Variants in RB1 observed in about 807,000 individuals in gnomAD.
The protein encoded by RB1 is RB transcriptional corepressor 1, also known as retinoblastoma-associated protein.
Under a neutral mutation model 135.4 loss-of-function variants are expected in RB1, and 18 were observed. The observed-to-expected ratio is 0.13, with a 90% confidence interval of 0.09 to 0.20. RB1 has a LOEUF of 0.20. RB1 is among the 10% of genes least tolerant of loss of function. RB1 has a pLI of 1.00. For synonymous variants in RB1, 365 were observed against 373.2 expected (o/e 0.98, Z 0.25); for missense variants, 868 against 1,110.0 (o/e 0.78, Z 3.10).
In RB1 at chr13:48,452,033, A is replaced by G. The variant is rs532310960; in HGVS notation, c.1696-960A>G. 3.5e-3 allele frequency among the ~76,000 whole-genome samples: 532 copies of G among 151,746 alleles called. 11 individuals carry two copies. Among genetic ancestry groups the G allele is most frequent in the Non-Finnish European group, 7.8e-4 (53 of 67,902 alleles). On this transcript the variant is annotated intron_variant, in intron 17 of 26. Coordinates refer to ENST00000267163, the MANE Select transcript of RB1 (RefSeq NM_000321.3). ...TCTATATTAGTCTAGCTAGTGGTCTATTTTATTAATTTTTTCAAAAAATAA... is the reference window on the plus strand; with the variant it reads ...TCTATATTAGTCTAGCTAGTGGTCTGTTTTATTAATTTTTTCAAAAAATAA...
At chr13:48,312,547 T>C (rs1952140072) in intron 2 of RB1, among the ~76,000 whole-genome samples, 1 of 152,240 alleles carries the variant, frequency 6.6e-6, no homozygotes, top group Non-Finnish European at 1.5e-5. Flanking sequence ...TACCATTTGC[T>C]TTCTTTACAG....
At chr13:48,367,446 A>G (rs758064342) in intron 9 of RB1, 48 bp from the exon 10 acceptor site, 2 of 1,579,186 alleles carry the variant, frequency 1.3e-6, no homozygotes, top group South Asian at 2.2e-5. Context: ...GTGCTGAGAG[A>G]TGTAATGACA....
At chr13:48,382,466 T>C (rs1948543443) in intron 17 of RB1, among the ~76,000 whole-genome samples, 3 of 152,234 alleles carry the variant, frequency 2.0e-5, no homozygotes, top group Non-Finnish European at 4.4e-5. Flanking sequence ...GAGCATTTTT[T>C]CATGTGTCTT....
chr13:48,370,883 G>T (rs1263475941), intron 11 of RB1, among the ~76,000 whole-genome samples: 3 of 152,198 alleles, frequency 2.0e-5, no homozygotes, highest in Non-Finnish European at 4.4e-5. Flanking sequence ...CTAGTGACCA[G>T]CCCCCATCCA....
intron 17 of RB1, among the ~76,000 whole-genome samples, chr13:48,451,839 T>C (rs773756946): frequency 3.9e-5 from 6 of 152,010 alleles, no homozygotes; most frequent in Non-Finnish European, 8.8e-5. Flanking sequence ...AGTTCAGTCT[T>C]GGGAGGGTGT....
At chr13:48,474,745 G>C (rs1202744456) in intron 24 of RB1, among the ~76,000 whole-genome samples, 1 of 152,076 alleles carries the variant, frequency 6.6e-6, no homozygotes, top group East Asian at 1.9e-4. Flanking sequence ...AGATCCAAGG[G>C]AAAGCTTTGC....
chr13:48,479,453 T>G (rs981487118), intron 26 of RB1, among the ~76,000 whole-genome samples: 1 of 152,220 alleles, frequency 6.6e-6, no homozygotes. Flanking sequence ...GGGGCATACC[T>G]GAAGTATGCA....
At chr13:48,375,657 C>T (rs775721861) in intron 12 of RB1, among the ~76,000 whole-genome samples, 4 of 151,810 alleles carry the variant, frequency 2.6e-5, no homozygotes, top group Admixed American at 6.6e-5. Context: ...TGGCTCACTA[C>T]AACCTCCATC....
chr13:48,326,979 CTTCT>C (rs1952292981), intron 2 of RB1, among the ~76,000 whole-genome samples: 1 of 151,974 alleles, frequency 6.6e-6, no homozygotes, highest in Non-Finnish European at 1.5e-5. Context: ...ATTTTCTTTC[CTTCT>C]ATTTCAGTAT....
intron 17 of RB1, among the ~76,000 whole-genome samples, chr13:48,423,405 C>G (rs1949035214): frequency 6.6e-6 from 1 of 152,096 alleles, no homozygotes; most frequent in African/African-American, 2.4e-5. Context: ...ATCAAGGAGT[C>G]ACCTTACACT....
At chr13:48,392,981 A>T (rs147920295) in intron 17 of RB1, among the ~76,000 whole-genome samples, 1,900 of 152,138 alleles carry the variant, frequency 0.012, 45 homozygotes, top group African/African-American at 0.039. Context: ...TTGTTTTTGG[A>T]CACAGAGCAG....
intron 11 of RB1, among the ~76,000 whole-genome samples, chr13:48,371,268 A>T (rs1776301789): frequency 6.6e-6 from 1 of 152,138 alleles, no homozygotes; most frequent in South Asian, 2.1e-4. Context: ...CAGTGGGGGG[A>T]TAGACTGAGG....
At chr13:48,389,565 A>G (rs1280637981) in intron 17 of RB1, 1 of 152,158 alleles carries the variant, frequency 6.6e-6, no homozygotes, top group East Asian at 1.9e-4. Context: ...CTGGATAACA[A>G]ATTAGTGGCT....
chr13:48,462,299 T>C (rs1485793532), intron 20 of RB1, among the ~76,000 whole-genome samples: 5 of 151,596 alleles, frequency 3.3e-5, no homozygotes, highest in African/African-American at 1.2e-4. Context: ...AATTTTTGTA[T>C]TTTTTTGTAC....
chr13:48,368,706 T>C, intron 11 of RB1, 102 bp downstream of exon 11: 1 of 1,463,074 alleles, frequency 6.8e-7, no homozygotes, highest in Non-Finnish European at 9.2e-7. Flanking sequence ...TACATACATG[T>C]AAGAAATATA....
intron 11 of RB1, among the ~76,000 whole-genome samples, chr13:48,371,159 G>C (rs567377353): frequency 6.6e-6 from 1 of 152,320 alleles, no homozygotes; most frequent in Admixed American, 6.5e-5. Context: ...CAAATTTGGA[G>C]TGTAGCATGT....
chr13:48,384,362 G>T (rs1948557808), intron 17 of RB1, among the ~76,000 whole-genome samples: 1 of 152,096 alleles, frequency 6.6e-6, no homozygotes. Context: ...ACACAAACAG[G>T]ATACTGTGTA....
chr13:48,380,452 C>G (rs536052544), intron 16 of RB1, among the ~76,000 whole-genome samples: 1 of 152,226 alleles, frequency 6.6e-6, no homozygotes, highest in South Asian at 2.1e-4. Context: ...TAATATTTCA[C>G]TAGGCTTCTC....
chr13:48,396,563 A>G (rs1049639570), intron 17 of RB1, among the ~76,000 whole-genome samples: 1 of 152,340 alleles, frequency 6.6e-6, no homozygotes, highest in Admixed American at 6.5e-5. Flanking sequence ...AACCTAGGCA[A>G]TACCATTCAG....
Sources: gnomAD v4.1 joint callset for allele counts (sites outside exome capture counted in the v4.1 genomes callset) on GRCh38, gnomAD v4.1.1 for gene constraint, MANE v1.5 for transcripts, NCBI Gene and HGNC (gene_info 2026-07-23, HGNC 2026-07-21) for gene names.